Variants in SMIM17 observed in about 807,000 individuals in gnomAD.
The protein encoded by SMIM17 is small integral membrane protein 17.
A neutral mutation model predicts 12.2 loss-of-function variants in SMIM17; 10 were observed. The ratio of observed to expected loss-of-function variants is 0.82; its 90% CI spans 0.50 to 1.39. The LOEUF is 1.39. SMIM17 is among the 40% of genes most tolerant of loss of function. The pLI is 0.00. For missense variants in SMIM17, 136 were observed against 118.2 expected, an observed-to-expected ratio of 1.15 and a Z score of -0.70; for synonymous variants, 50 against 44.1, an observed-to-expected ratio of 1.13 and a Z score of -0.53.
At chr19:56,644,801 C>A (rs369969260) in intron 1 of SMIM17, among the ~76,000 whole-genome samples, 2 of 152,184 alleles carry the variant, frequency 1.3e-5, no homozygotes, top group Non-Finnish European at 2.9e-5. Flanking sequence ...TTGAGAGAGT[C>A]TTTCTCTCTT....
intron 2 of SMIM17, among the ~76,000 whole-genome samples, chr19:56,646,698 G>A (rs1256117473): frequency 6.6e-6 from 1 of 152,188 alleles, no homozygotes; most frequent in Non-Finnish European, 1.5e-5. Context: ...CAGAGGTGAG[G>A]TAAGTGGAGA....
chr19:56,649,452 A>C (rs1358428525), intron 3 of SMIM17, among the ~76,000 whole-genome samples: 2 of 152,154 alleles, frequency 1.3e-5, no homozygotes, highest in African/African-American at 4.8e-5. Flanking sequence ...TAAGCAGCTA[A>C]AATATGAATT....
intron 3 of SMIM17, among the ~76,000 whole-genome samples, chr19:56,654,899 A>T (rs1001656050): frequency 6.6e-5 from 10 of 152,200 alleles, no homozygotes; most frequent in African/African-American, 1.9e-4. Context: ...TCATCCCATT[A>T]TTCGAACATT....
In SMIM17 at chr19:56,656,567, G is replaced by T. The variant is rs1359935724; in HGVS notation, c.*1354G>T. 6.6e-6 allele frequency among the ~76,000 whole-genome samples: 1 copy of T among 151,512 alleles called. No individual in the cohort carries two copies. The highest frequency in any genetic ancestry group is 1.5e-5 in the Non-Finnish European group (1 of 67,802). ...GTCTCAGTTTTTATACTGAATACTT[G>T]ATTTATATTCTCTTTATATTTTCTA... On this transcript the variant is annotated 3_prime_UTR_variant, in exon 4 of 4. Coordinates refer to ENST00000598409, the MANE Select transcript of SMIM17 (RefSeq NM_001193628.2).
chr19:56,651,410 A>C (rs1035907830), intron 3 of SMIM17, among the ~76,000 whole-genome samples: 4 of 152,104 alleles, frequency 2.6e-5, no homozygotes, highest in African/African-American at 9.7e-5. Context: ...GAGTGAGTGA[A>C]GAAGTGGAAG....
rs559534942 is a variant in SMIM17, at chr19:56,645,737, C to T, written c.70C>T (p.Arg24Trp). 2.1e-5 allele frequency: 33 copies of T among 1,535,770 alleles called. 1 individual carries two copies. Among genetic ancestry groups the T allele is most frequent in the Admixed American group, 1.4e-4 (7 of 50,982 alleles). ...TGAGAGGACCAAGACTCTGCTGCCT[C>T]GGGAGAGCCGGGCCTGGGAGAAGCC... The part of the protein sequence containing the change: ...EPERTKTLLP[R>W]ESRAWEKPPH... The change falls in exon 2 of 4, where the codon CGG (arginine) becomes TGG (tryptophan). Residue 24 changes from arginine to tryptophan, a missense_variant. Coordinates refer to ENST00000598409, the MANE Select transcript of SMIM17 (RefSeq NM_001193628.2).
chr19:56,648,443 A>G (rs148693390), intron 3 of SMIM17, among the ~76,000 whole-genome samples: 4 of 152,246 alleles, frequency 2.6e-5, no homozygotes, highest in Non-Finnish European at 5.9e-5. Flanking sequence ...CCAGTTATCC[A>G]TATACATACT....
intron 3 of SMIM17, among the ~76,000 whole-genome samples, chr19:56,653,194 C>A (rs1190020320): frequency 2.6e-5 from 4 of 152,172 alleles, no homozygotes; most frequent in Non-Finnish European, 4.4e-5. Flanking sequence ...CACTCCCCAG[C>A]CCTGGAAGCA....
intron 3 of SMIM17, among the ~76,000 whole-genome samples, chr19:56,652,870 C>T (rs1006052001): frequency 6.6e-6 from 1 of 152,070 alleles, no homozygotes. Flanking sequence ...ATACAAGTAG[C>T]GGCCAATACC....
chr19:56,645,426 C>A (rs1219323212), intron 1 of SMIM17, 142 bp from the exon 2 acceptor site: 4 of 388,040 alleles, frequency 1.0e-5, no homozygotes, highest in Non-Finnish European at 1.8e-5. Flanking sequence ...CCCTGCCTGT[C>A]TCTTTGTCTC....
At chr19:56,644,162 C>T (rs1352192128) in intron 1 of SMIM17, among the ~76,000 whole-genome samples, 1 of 152,020 alleles carries the variant, frequency 6.6e-6, no homozygotes, top group Admixed American at 6.6e-5. Flanking sequence ...CATGCCTTCC[C>T]CTCCCCTCAA....
In SMIM17 at chr19:56,646,684, A is replaced by G. The variant is rs530713926; in HGVS notation, c.169+848A>G. ...AGTTAGGAGATTCCTGCAACTGTCCAAGACAGAGGTGAGGTAAGTGGAGAG... is the reference window on the plus strand; with the variant it reads ...AGTTAGGAGATTCCTGCAACTGTCCGAGACAGAGGTGAGGTAAGTGGAGAG... On this transcript the variant is annotated intron_variant, in intron 2 of 3. Coordinates refer to ENST00000598409, the MANE Select transcript of SMIM17 (RefSeq NM_001193628.2). Among the ~76,000 whole-genome samples the G allele has an allele frequency of 2.6e-5, 4 of 152,314 alleles. No individual in the cohort carries two copies. In the East Asian group the frequency reaches 7.7e-4, roughly 29 times the overall value.
At chr19:56,654,975 T>C (rs1336354177) in intron 3 of SMIM17, 128 bp from the exon 4 acceptor site, 1 of 503,318 alleles carries the variant, frequency 2.0e-6, no homozygotes, top group African/African-American at 1.9e-5. Flanking sequence ...GTTGTACCGT[T>C]TTAAATTCAA....
At chr19:56,645,187 GAGTGTGTGT>G in intron 1 of SMIM17, among the ~76,000 whole-genome samples, 1 of 143,660 alleles carries the variant, frequency 7.0e-6, no homozygotes, top group Non-Finnish European at 1.5e-5. Flanking sequence ...TAGTCTATGT[GAGTGTGTGT>G]GAATGTGGAT....
At chr19:56,649,329 A>G (rs1240793795) in intron 3 of SMIM17, among the ~76,000 whole-genome samples, 1 of 152,204 alleles carries the variant, frequency 6.6e-6, no homozygotes, top group Non-Finnish European at 1.5e-5. Context: ...TTTCTTGAGC[A>G]CCTGCTCAGT....
Position 56,647,619 on chromosome 19 carries a change from A to G in SMIM17, c.231A>G (p.Glu77=), listed in dbSNP as rs1251772118. The G allele has an allele frequency of 6.5e-7, 1 of 1,535,756 alleles. No homozygotes were observed. Among genetic ancestry groups the G allele is most frequent in the East Asian group, 2.4e-5 (1 of 40,894 alleles). ...QEWSSVEEDD[E]SEGSQGFVEW... ...GGAGCTCGGTGGAGGAAGATGACGAATCAGAGGGCTCCCAGGTACACTGGG... is the reference window on the plus strand; with the variant it reads ...GGAGCTCGGTGGAGGAAGATGACGAGTCAGAGGGCTCCCAGGTACACTGGG... Residue 77 remains glutamate (E), a synonymous_variant, in exon 3 of 4, where the codon GAA becomes GAG. Coordinates refer to ENST00000598409, the MANE Select transcript of SMIM17 (RefSeq NM_001193628.2).
chr19:56,653,393 T>C (rs576697267), intron 3 of SMIM17, among the ~76,000 whole-genome samples: 2 of 152,342 alleles, frequency 1.3e-5, no homozygotes, highest in South Asian at 4.1e-4. Flanking sequence ...TTAATATATA[T>C]TGATTATCTT....
intron 2 of SMIM17, 118 bp from the exon 3 acceptor site, chr19:56,647,420 TGAGAGAGAGAGAGAGAGAGA>T: frequency 1.8e-6 from 1 of 546,838 alleles, no homozygotes; most frequent in Non-Finnish European, 3.2e-6. Flanking sequence ...AGAAGGAGGG[TGAGAGAGAGAGAGAGAGAGA>T]GAGAGAGAGA....
intron 2 of SMIM17, among the ~76,000 whole-genome samples, chr19:56,647,125 C>T (rs2045069360): frequency 6.6e-6 from 1 of 152,136 alleles, no homozygotes; most frequent in Admixed American, 6.5e-5. Flanking sequence ...GCTGGGGAAG[C>T]CTCCATCATC....
Sources: gnomAD v4.1 joint callset for allele counts (sites outside exome capture counted in the v4.1 genomes callset) on GRCh38, gnomAD v4.1.1 for gene constraint, MANE v1.5 for transcripts, NCBI Gene and HGNC (gene_info 2026-07-23, HGNC 2026-07-21) for gene names.